The following RYR2 variants were observed in gnomAD, a reference collection of about 807,000 sequenced individuals.
RYR2 encodes the protein cardiac muscle ryanodine receptor-calcium release channel.
RYR2 carries 227 observed loss-of-function variants against 601.1 expected under a neutral mutation model. The observed-to-expected ratio is 0.38, with a 90% CI of 0.34 to 0.42. The LOEUF (loss-of-function observed/expected upper bound fraction) is 0.42, where lower values mean the gene tolerates loss of function less well. RYR2 is among the 10% of genes least tolerant of loss of function. The pLI, the probability that RYR2 is intolerant of heterozygous loss-of-function variation, is 1.00. For missense variants in RYR2, 4,646 were observed against 6,156.5 expected (o/e 0.75, Z 8.21); for synonymous variants, 2,223 against 2,175.1 (o/e 1.02, Z -0.61).
chr1:237,061,264 CTATCCATCTATCATCTATCTATCTATCT>C (rs1662824218), intron 1 of RYR2, among the ~76,000 whole-genome samples: 1 of 93,362 alleles, frequency 1.1e-5, no homozygotes, highest in Non-Finnish European at 2.5e-5. Context: ...ATCTATCTAT[CTATCCATCTATCATCTATCTATCTATCT>C]ATCTATCTAT....
At chr1:237,598,716 TA>T (rs1383824819) in intron 34 of RYR2, among the ~76,000 whole-genome samples, 1 of 151,990 alleles carries the variant, frequency 6.6e-6, no homozygotes. Flanking sequence ...AAGTAAAAAA[TA>T]AACCACCTAA....
At chr1:237,516,037 T>C (rs72767766) in intron 24 of RYR2, among the ~76,000 whole-genome samples, 23,741 of 150,396 alleles carry the variant, frequency 0.16, 2,329 homozygotes, top group South Asian at 0.24. Context: ...CTCCTTTTTC[T>C]GTCTCTTCCT....
chr1:237,792,349 CTGTGTGTGTGTGTGTGTGTGTGTGTG>C, intron 94 of RYR2, 26 bp downstream of exon 94: 1 of 704,944 alleles, frequency 1.4e-6, no homozygotes, highest in Non-Finnish European at 2.2e-6. Flanking sequence ...ACCAAGGTAC[CTGTGTGTGTGTGTGTGTGTGTGTGTG>C]TGTGTGCGTG....
At chr1:237,611,932 C>T (rs985357157) in intron 36 of RYR2, among the ~76,000 whole-genome samples, 2 of 151,812 alleles carry the variant, frequency 1.3e-5, no homozygotes, top group Non-Finnish European at 2.9e-5. Flanking sequence ...CGTATATACC[C>T]AAGAGAAATT....
chr1:237,450,915 C>G (rs1004246249), intron 14 of RYR2, among the ~76,000 whole-genome samples: 9 of 152,144 alleles, frequency 5.9e-5, no homozygotes, highest in African/African-American at 2.2e-4. Context: ...ATTAAGCTTT[C>G]GTTTATTCTC....
intron 73 of RYR2, among the ~76,000 whole-genome samples, chr1:237,720,636 G>T (rs1689639598): frequency 6.6e-6 from 1 of 152,188 alleles, no homozygotes; most frequent in Admixed American, 6.5e-5. Flanking sequence ...TTATGTACAT[G>T]GGTATTTGAG....
At chr1:237,631,293 G>T in intron 41 of RYR2, 134 bp from the exon 42 acceptor site, 6 of 597,184 alleles carry the variant, frequency 1.0e-5, no homozygotes, top group South Asian at 6.9e-5. Context: ...ATTAATTTTT[G>T]TGGCTTATTA....
intron 24 of RYR2, among the ~76,000 whole-genome samples, chr1:237,521,641 A>T (rs1387230121): frequency 6.6e-6 from 1 of 151,628 alleles, no homozygotes; most frequent in Non-Finnish European, 1.5e-5. Context: ...AATTGCTTGA[A>T]CCCAGGAGGC....
intron 34 of RYR2, among the ~76,000 whole-genome samples, chr1:237,598,648 G>A (rs1293225350): frequency 6.6e-6 from 1 of 152,122 alleles, no homozygotes; most frequent in Non-Finnish European, 1.5e-5. Context: ...AAAGCTATGG[G>A]ATACAGCAGA....
At position 237,123,206 on chromosome 1, in the gene RYR2, C is replaced by T. The variant is rs973558059; in HGVS notation, c.48+80637C>T. The stretch of plus-strand genomic sequence containing the variant: ...ATATCATATACTCCACACAGAACTG[C>T]AACAAAAAACTCAGGAAACAATACT... On this transcript the variant is annotated intron_variant, in intron 1 of 104. Transcript: ENST00000366574. 3.9e-5 allele frequency among the ~76,000 whole-genome samples: 6 copies of T among 152,144 alleles called. No homozygotes were observed. The South Asian group carries it at 1.0e-3, about 26-fold the overall frequency.
At chr1:237,499,266 A>G (rs1350657831) in intron 20 of RYR2, among the ~76,000 whole-genome samples, 1 of 152,138 alleles carries the variant, frequency 6.6e-6, no homozygotes, top group Non-Finnish European at 1.5e-5. Context: ...CGGTGTTGCT[A>G]CACTTCCTCT....
At chr1:237,753,392 A>C (rs759716167) in intron 80 of RYR2, among the ~76,000 whole-genome samples, 3 of 152,148 alleles carry the variant, frequency 2.0e-5, no homozygotes, top group Non-Finnish European at 4.4e-5. Context: ...AGCTTGACAC[A>C]CTCTTAGACA....
At chr1:237,271,085 C>T (rs772912569) in intron 2 of RYR2, among the ~76,000 whole-genome samples, 25 of 151,800 alleles carry the variant, frequency 1.6e-4, no homozygotes, top group Admixed American at 5.2e-4. Flanking sequence ...ATAGATATAT[C>T]TGGATTTGAC....
chr1:237,683,129 T>G (rs1686037634), intron 62 of RYR2, among the ~76,000 whole-genome samples: 1 of 152,170 alleles, frequency 6.6e-6, no homozygotes, highest in Non-Finnish European at 1.5e-5. Flanking sequence ...ATAAACTCAA[T>G]AGATAGAAAA....
intron 8 of RYR2, among the ~76,000 whole-genome samples, chr1:237,385,988 T>A (rs78116792): frequency 6.6e-6 from 1 of 152,168 alleles, no homozygotes; most frequent in Non-Finnish European, 1.5e-5. Context: ...TTGTAAACAA[T>A]TAAACAGTTT....
At chr1:237,540,145 C>T (rs923551975) in intron 25 of RYR2, among the ~76,000 whole-genome samples, 1 of 152,036 alleles carries the variant, frequency 6.6e-6, no homozygotes, top group African/African-American at 2.4e-5. Flanking sequence ...ACTCTTGACA[C>T]ACTGCATAGT....
intron 35 of RYR2, among the ~76,000 whole-genome samples, chr1:237,606,380 A>T (rs1229447997): frequency 6.6e-6 from 1 of 152,200 alleles, no homozygotes; most frequent in African/African-American, 2.4e-5. Flanking sequence ...GAAAGCTGAA[A>T]CTGGATCCCT....
chr1:237,083,170 G>C (rs1250146999), intron 1 of RYR2, among the ~76,000 whole-genome samples: 1 of 152,172 alleles, frequency 6.6e-6, no homozygotes, highest in Non-Finnish European at 1.5e-5. Context: ...GGGAGTAGGA[G>C]GAGAAAACCC....
At chr1:237,152,236 T>A (rs1674794985) in intron 1 of RYR2, among the ~76,000 whole-genome samples, 1 of 152,222 alleles carries the variant, frequency 6.6e-6, no homozygotes. Context: ...TGCCACATTT[T>A]CTTTATCCAG....
Sources: allele counts gnomAD v4.1 joint callset (sites outside exome capture counted in the v4.1 genomes callset), GRCh38; gene constraint gnomAD v4.1.1; transcripts MANE v1.5; gene names NCBI Gene and HGNC (gene_info 2026-07-23, HGNC 2026-07-21).